Variants in CNTNAP2 observed in about 807,000 individuals in gnomAD.
CNTNAP2 encodes contactin associated protein 2.
In CNTNAP2, 98 loss-of-function variants were observed where a neutral mutation model predicts 155.2. That is an observed-to-expected ratio of 0.63 (90% CI 0.54 to 0.75). CNTNAP2 has a LOEUF of 0.75. Among genes scored for constraint, CNTNAP2 ranks in the 30% least tolerant of loss-of-function variants. The probability of loss-of-function intolerance (pLI) is 0.00; values close to 1 mark genes in which losing one functional copy is unlikely to be tolerated. For missense variants in CNTNAP2, 1,727 were observed against 1,688.1 expected (o/e 1.02, Z -0.40); for synonymous variants, 651 against 631.2 (o/e 1.03, Z -0.47).
At chr7:147,850,762 A>G (rs1798921632) in intron 13 of CNTNAP2, among the ~76,000 whole-genome samples, 1 of 152,240 alleles carries the variant, frequency 6.6e-6, no homozygotes, top group Non-Finnish European at 1.5e-5. Context: ...ACCTTATACA[A>G]AAATTAATTC....
chr7:146,744,152 T>TG, intron 1 of CNTNAP2, among the ~76,000 whole-genome samples: 1 of 131,240 alleles, frequency 7.6e-6, no homozygotes, highest in Non-Finnish European at 1.5e-5. Context: ...CGCTGGAACC[T>TG]GGGGGGAAGA....
chr7:147,753,276 A>G (rs966681587), intron 13 of CNTNAP2, among the ~76,000 whole-genome samples: 10 of 152,204 alleles, frequency 6.6e-5, no homozygotes, highest in African/African-American at 2.4e-4. Context: ...ACTGAAACTA[A>G]TTCTGAGACT....
At chr7:147,749,490 T>C (rs1337002573) in intron 13 of CNTNAP2, among the ~76,000 whole-genome samples, 2 of 152,206 alleles carry the variant, frequency 1.3e-5, no homozygotes, top group Non-Finnish European at 2.9e-5. Context: ...GATATGAACA[T>C]ATAAAAGATT....
chr7:148,176,639 T>C lies in CNTNAP2; in HGVS notation c.3010+4161T>C, dbSNP rs548632430. ...TGGGGAATATTTCATGGTTTGGAGATAGCACAAGGGCGTTGTGGAAACCCT... is the reference window on the plus strand; with the variant it reads ...TGGGGAATATTTCATGGTTTGGAGACAGCACAAGGGCGTTGTGGAAACCCT... On this transcript the variant is annotated intron_variant, in intron 18 of 23. Transcript: ENST00000361727. 2.6e-5 allele frequency among the ~76,000 whole-genome samples: 4 copies of C among 152,298 alleles called. No homozygotes were observed. The South Asian group carries it at 6.2e-4, about 24-fold the overall frequency.
At position 146,774,307 on chromosome 7, in the gene CNTNAP2, A is replaced by T. The variant is rs1266010405; in HGVS notation, c.134A>T (p.His45Leu). 6.2e-7 allele frequency: 1 copy of T among 1,613,968 alleles called. No individual in the cohort carries two copies. The highest frequency in any genetic ancestry group is 1.1e-5 in the South Asian group (1 of 91,066). The change falls in exon 2 of 24, where the codon CAT (histidine) becomes CTT (leucine). Residue 45 changes from histidine (H) to leucine (L), a missense_variant. Transcript: ENST00000361727. ...CDEPLVSGLP[H>L]VAFSSSSSIS... The stretch of plus-strand genomic sequence containing the variant: ...GAGCCACTTGTCTCTGGACTCCCCC[A>T]TGTGGCTTTCAGCAGCTCCTCCTCC...
At chr7:147,294,376 T>C (rs1162780202) in intron 8 of CNTNAP2, among the ~76,000 whole-genome samples, 1 of 152,208 alleles carries the variant, frequency 6.6e-6, no homozygotes, top group Non-Finnish European at 1.5e-5. Flanking sequence ...TCAGTGTCTT[T>C]GCCCTAACTT....
At chr7:146,363,648 C>G (rs1795116767) in intron 1 of CNTNAP2, among the ~76,000 whole-genome samples, 1 of 152,214 alleles carries the variant, frequency 6.6e-6, no homozygotes, top group South Asian at 2.1e-4. Flanking sequence ...AGAGTTGAAC[C>G]AAATGACACG....
intron 14 of CNTNAP2, among the ~76,000 whole-genome samples, chr7:147,925,291 C>T (rs1232292699): frequency 2.1e-4 from 14 of 67,864 alleles, no homozygotes; most frequent in African/African-American, 6.5e-4. Flanking sequence ...CAAGCGCGCG[C>T]GCACACACAC....
chr7:147,266,755 C>T (rs1303805800), intron 8 of CNTNAP2, among the ~76,000 whole-genome samples: 1 of 152,120 alleles, frequency 6.6e-6, no homozygotes, highest in Non-Finnish European at 1.5e-5. Context: ...TTCTTTTAAT[C>T]TCTTTTATTA....
At chr7:147,231,938 T>C (rs1803689865) in intron 8 of CNTNAP2, among the ~76,000 whole-genome samples, 2 of 152,232 alleles carry the variant, frequency 1.3e-5, no homozygotes. Flanking sequence ...GTGGATACTT[T>C]TTAGTTTTAT....
chr7:147,200,119 C>T (rs10085697), intron 8 of CNTNAP2, among the ~76,000 whole-genome samples: 52,931 of 150,786 alleles, frequency 0.35, 10,271 homozygotes, highest in East Asian at 0.59. Context: ...CCCTCTGGCA[C>T]CTGGTGTTCT....
At chr7:147,386,798 GCAGCACCTCACTC>G (rs1240242037) in intron 9 of CNTNAP2, among the ~76,000 whole-genome samples, 6 of 152,092 alleles carry the variant, frequency 3.9e-5, no homozygotes, top group Admixed American at 3.3e-4. Flanking sequence ...ATTCTTTTCA[GCAGCACCTCACTC>G]TACTGGTACC....
chr7:148,267,287 GCAA>G (rs1796690643), intron 21 of CNTNAP2, among the ~76,000 whole-genome samples, 161 bp downstream of exon 21: 1 of 151,894 alleles, frequency 6.6e-6, no homozygotes, highest in East Asian at 1.9e-4. Flanking sequence ...TGTTGCACAA[GCAA>G]AGCGTCAACA....
At chr7:146,457,472 T>A (rs1796571825) in intron 1 of CNTNAP2, among the ~76,000 whole-genome samples, 1 of 73,114 alleles carries the variant, frequency 1.4e-5, no homozygotes, top group Non-Finnish European at 2.7e-5. Flanking sequence ...ATTTATAGCT[T>A]CAAAAATGAA....
At chr7:148,379,818 C>T (rs918765331) in intron 21 of CNTNAP2, among the ~76,000 whole-genome samples, 1 of 152,350 alleles carries the variant, frequency 6.6e-6, no homozygotes, top group African/African-American at 2.4e-5. Flanking sequence ...CTCTGTCCTC[C>T]GTGGAGCTGG....
chr7:146,190,744 A>C (rs1798691146), intron 1 of CNTNAP2, among the ~76,000 whole-genome samples: 1 of 152,190 alleles, frequency 6.6e-6, no homozygotes, highest in African/African-American at 2.4e-5. Flanking sequence ...AAGTGACAAA[A>C]TCCTCTTGCT....
At chr7:148,304,822 C>T (rs1309281801) in intron 21 of CNTNAP2, among the ~76,000 whole-genome samples, 1 of 152,078 alleles carries the variant, frequency 6.6e-6, no homozygotes, top group African/African-American at 2.4e-5. Context: ...CATGTTTTTC[C>T]TTTACCTTCA....
chr7:146,180,149 T>C (rs1248806308), intron 1 of CNTNAP2, among the ~76,000 whole-genome samples: 1 of 152,180 alleles, frequency 6.6e-6, no homozygotes, highest in Non-Finnish European at 1.5e-5. Context: ...GTGTAGCTTT[T>C]TTCACTTTAA....
At chr7:147,311,890 G>A (rs570974748) in intron 9 of CNTNAP2, among the ~76,000 whole-genome samples, 6 of 152,032 alleles carry the variant, frequency 3.9e-5, no homozygotes, top group Non-Finnish European at 5.9e-5. Flanking sequence ...GTGATGGTCT[G>A]TTATTGCTTA....
Sources: allele counts gnomAD v4.1 joint callset (sites outside exome capture counted in the v4.1 genomes callset), GRCh38; gene constraint gnomAD v4.1.1; transcripts MANE v1.5; gene names NCBI Gene and HGNC (gene_info 2026-07-23, HGNC 2026-07-21).